Variants in NDST3 observed in about 807,000 individuals in gnomAD.
NDST3 encodes the protein N-deacetylase and N-sulfotransferase 3, also known as bifunctional heparan sulfate N-deacetylase/N-sulfotransferase 3.
A neutral mutation model predicts 96.1 loss-of-function variants in NDST3; 58 were observed. The ratio of observed to expected loss-of-function variants is 0.60; its 90% confidence interval spans 0.49 to 0.75. The LOEUF (loss-of-function observed/expected upper bound fraction) is 0.75, where lower values mean the gene tolerates loss of function less well. Ranked by LOEUF, NDST3 falls within the 30% of genes least tolerant of loss-of-function variation. The pLI, the probability that NDST3 is intolerant of heterozygous loss-of-function variation, is 0.00. For synonymous variants in NDST3, 333 were observed against 359.7 expected (o/e 0.93, Z 0.84); for missense variants, 788 against 1,034.2 (o/e 0.76, Z 3.27).
chr4:118,189,307 T>C (rs913740599), intron 6 of NDST3, among the ~76,000 whole-genome samples: 9 of 152,290 alleles, frequency 5.9e-5, no homozygotes, highest in Admixed American at 5.2e-4. Flanking sequence ...TGTCTCAGCC[T>C]CTCAAAGTGC....
chr4:118,191,218 T>C (rs975300902), intron 6 of NDST3, among the ~76,000 whole-genome samples: 5 of 152,278 alleles, frequency 3.3e-5, no homozygotes, highest in South Asian at 2.1e-4. Context: ...GGGAAAGTGG[T>C]GTAAGTAAAA....
upstream of NDST3, chr4:118,034,380 C>T (rs896670504): frequency 1.3e-5 from 2 of 152,170 alleles, no homozygotes; most frequent in African/African-American, 4.8e-5. Context: ...ATGTGACACT[C>T]TTGCCCTCTA....
At chr4:118,199,404 CT>C (rs1737918947) in intron 6 of NDST3, among the ~76,000 whole-genome samples, 1 of 152,092 alleles carries the variant, frequency 6.6e-6, no homozygotes, top group African/African-American at 2.4e-5. Context: ...CTGCATGATC[CT>C]TTTTAATTAT....
At chr4:118,104,025 A>T (rs1285106285) in intron 2 of NDST3, among the ~76,000 whole-genome samples, 2 of 152,176 alleles carry the variant, frequency 1.3e-5, no homozygotes, top group South Asian at 4.1e-4. Context: ...GATCCAAAAA[A>T]GTTGGGACCA....
chr4:118,203,299 T>G (rs1411557336), intron 6 of NDST3, among the ~76,000 whole-genome samples: 1 of 152,128 alleles, frequency 6.6e-6, no homozygotes, highest in Non-Finnish European at 1.5e-5. Flanking sequence ...CTCTGCCAGA[T>G]TTGGGTACCA....
chr4:118,078,040 G>A (rs1383006722), intron 2 of NDST3, among the ~76,000 whole-genome samples: 1 of 152,166 alleles, frequency 6.6e-6, no homozygotes, highest in Admixed American at 6.5e-5. Flanking sequence ...TAGAAGTGTG[G>A]GGGATGGAGC....
rs1725235412 is a variant in NDST3 at position 118,053,805 on chromosome 4, G to A, written c.-106G>A. 2 of 1,231,354 alleles carry A rather than the reference G, an allele frequency of 1.6e-6. No homozygotes were observed. Among genetic ancestry groups the A allele is most frequent in the South Asian group, 3.1e-5 (2 of 64,562 alleles). 76.3% of individuals were successfully genotyped at this position (1,231,354 alleles called of 1,614,324 possible). A position where few individuals can be genotyped will look rare whatever the true frequency, so the allele number is the denominator to read the frequency against. ...CAAGTGATACAAATGAGCTGCAATGGTGACATAAACTCTTGACAGAGATTG... is the reference window on the plus strand; with the variant it reads ...CAAGTGATACAAATGAGCTGCAATGATGACATAAACTCTTGACAGAGATTG... On this transcript the variant is annotated 5_prime_UTR_variant, in exon 2 of 14. The change creates a new upstream start codon in the 5' untranslated region. Transcript: ENST00000296499.
intron 9 of NDST3, among the ~76,000 whole-genome samples, chr4:118,233,817 G>A (rs1560735667): frequency 6.6e-6 from 1 of 152,168 alleles, no homozygotes; most frequent in Non-Finnish European, 1.5e-5. Flanking sequence ...TGAACAGAGG[G>A]TGGTATAAAG....
intron 8 of NDST3, among the ~76,000 whole-genome samples, chr4:118,227,953 A>C (rs72917179): frequency 0.17 from 25,417 of 152,156 alleles, 2,256 homozygotes; most frequent in South Asian, 0.23. Flanking sequence ...AAAATGAAGC[A>C]TCATGGAAGC....
At chr4:118,248,927 T>A (rs1307795369) in intron 12 of NDST3, among the ~76,000 whole-genome samples, 1 of 152,138 alleles carries the variant, frequency 6.6e-6, no homozygotes, top group Non-Finnish European at 1.5e-5. Context: ...GGCCATTGGG[T>A]AAATAAACAT....
intron 12 of NDST3, among the ~76,000 whole-genome samples, chr4:118,251,643 T>C (rs1741743837): frequency 6.6e-6 from 1 of 152,198 alleles, no homozygotes; most frequent in Non-Finnish European, 1.5e-5. Context: ...TTTTGTTCCA[T>C]TGATCCATTG....
intron 6 of NDST3, among the ~76,000 whole-genome samples, chr4:118,213,862 G>A (rs1739010770): frequency 2.0e-5 from 3 of 151,736 alleles, no homozygotes; most frequent in Admixed American, 2.0e-4. Context: ...GATCACTTAT[G>A]ATATAGACTT....
intron 3 of NDST3, among the ~76,000 whole-genome samples, chr4:118,111,535 ATT>A (rs149834516): frequency 0.055 from 7,331 of 132,222 alleles, 208 homozygotes; most frequent in Non-Finnish European, 0.081. Flanking sequence ...TTTAATCATG[ATT>A]TTTTTTTTTT....
At chr4:118,092,104 G>C (rs1269002664) in intron 2 of NDST3, among the ~76,000 whole-genome samples, 1 of 150,584 alleles carries the variant, frequency 6.6e-6, no homozygotes, top group Non-Finnish European at 1.5e-5. Flanking sequence ...GGGTACATGT[G>C]TACAATGTGC....
At chr4:118,134,127 G>A (rs138136905) in intron 4 of NDST3, among the ~76,000 whole-genome samples, 16 of 152,282 alleles carry the variant, frequency 1.1e-4, no homozygotes, top group African/African-American at 3.4e-4. Flanking sequence ...ATTTATCCAG[G>A]TGAAGATTTG....
At chr4:118,122,928 G>C (rs1731725659) in intron 4 of NDST3, among the ~76,000 whole-genome samples, 1 of 152,124 alleles carries the variant, frequency 6.6e-6, no homozygotes, top group South Asian at 2.1e-4. Flanking sequence ...CTGGAGAAAG[G>C]GTTTTATCCC....
At chr4:118,102,848 TC>T (rs1729875318) in intron 2 of NDST3, among the ~76,000 whole-genome samples, 1 of 152,124 alleles carries the variant, frequency 6.6e-6, no homozygotes, top group African/African-American at 2.4e-5. Context: ...AATTTTCCCC[TC>T]TTTACCATAT....
intron 9 of NDST3, among the ~76,000 whole-genome samples, chr4:118,234,554 T>G (rs541074553): frequency 6.6e-6 from 1 of 152,124 alleles, no homozygotes; most frequent in Middle Eastern, 3.4e-3. Flanking sequence ...GCTTTGGAGG[T>G]GGACAGGAAT....
At chr4:118,037,984 T>C (rs2110419559) in intron 1 of NDST3, among the ~76,000 whole-genome samples, 1 of 152,332 alleles carries the variant, frequency 6.6e-6, no homozygotes, top group African/African-American at 2.4e-5. Context: ...TCTTTCCTTA[T>C]CTGGTTCATG....
Sources: allele counts gnomAD v4.1 joint callset (sites outside exome capture counted in the v4.1 genomes callset), GRCh38; gene constraint gnomAD v4.1.1; transcripts MANE v1.5; gene names NCBI Gene and HGNC (gene_info 2026-07-23, HGNC 2026-07-21).